Variants in ZNF638 observed in about 807,000 individuals in gnomAD.
ZNF638 encodes the protein zinc finger protein 638, also known as CTCL tumor antigen se33-1.
ZNF638 carries 46 observed loss-of-function variants against 195.6 expected under a neutral mutation model. The observed-to-expected ratio is 0.24, with a 90% CI of 0.19 to 0.30. The LOEUF (loss-of-function observed/expected upper bound fraction) is 0.30, where lower values mean the gene tolerates loss of function less well. Among genes scored for constraint, ZNF638 ranks in the 10% least tolerant of loss-of-function variants. The probability of loss-of-function intolerance (pLI) is 1.00; values close to 1 mark genes in which losing one functional copy is unlikely to be tolerated. For synonymous variants in ZNF638, 845 were observed against 772.0 expected, an observed-to-expected ratio of 1.09 and a Z score of -1.57; for missense variants, 2,440 against 2,325.3, an observed-to-expected ratio of 1.05 and a Z score of -1.01.
In ZNF638 at chr2:71,355,798, C is replaced by G. The variant is rs200705102; in HGVS notation, c.1379+18C>G. 6.7e-7 allele frequency: 1 copy of G among 1,498,832 alleles called. No individual in the cohort carries two copies. Among genetic ancestry groups the G allele is most frequent in the East Asian group, 2.3e-5 (1 of 42,604 alleles). 92.8% of individuals were successfully genotyped at this position (1,498,832 alleles called of 1,614,324 possible). On this transcript the variant is annotated intron_variant, in intron 3 of 27. Transcript: ENST00000264447. ...CGTCAACAGTAAGAATATATTTTTC[C>G]TTTATTATAGATAGCATATTTACAA...
chr2:71,342,876 A>G (rs1558828685), intron 1 of ZNF638, among the ~76,000 whole-genome samples: 1 of 151,168 alleles, frequency 6.6e-6, no homozygotes, highest in Non-Finnish European at 1.5e-5. Context: ...AGCTGAAGCT[A>G]TTTTTTTTTG....
chr2:71,431,456 AC>A, intron 26 of ZNF638, 28 bp downstream of exon 26: 1 of 1,605,350 alleles, frequency 6.2e-7, no homozygotes, highest in South Asian at 1.1e-5. Context: ...TTTTTTTCTT[AC>A]CCATATGAAA....
chr2:71,365,312 T>C, intron 5 of ZNF638, 117 bp from the exon 6 acceptor site: 2 of 827,516 alleles, frequency 2.4e-6, no homozygotes, highest in South Asian at 4.8e-5. Context: ...ATCTAGATTT[T>C]TGTATTGTCT....
At chr2:71,418,662 A>T in intron 21 of ZNF638, 23 bp downstream of exon 21, 2 of 1,522,200 alleles carry the variant, frequency 1.3e-6, no homozygotes, top group Non-Finnish European at 1.8e-6. Context: ...ATGTTTACTA[A>T]CACTTTTGTA....
chr2:71,343,117 TTC>T (rs2078790223), intron 1 of ZNF638, among the ~76,000 whole-genome samples: 1 of 152,230 alleles, frequency 6.6e-6, no homozygotes, highest in Admixed American at 6.5e-5. Context: ...ATTCAAGCAT[TTC>T]TGTCTTCCAG....
At chr2:71,351,901 A>AGGCATGTATCACTCAGGCC (rs1266131412) in intron 2 of ZNF638, among the ~76,000 whole-genome samples, 3 of 152,216 alleles carry the variant, frequency 2.0e-5, no homozygotes, top group Non-Finnish European at 4.4e-5. Context: ...TCTTGATTTC[A>AGGCATGTATCACTCAGGCC]GGCATGTATC....
rs894988149 is a variant in ZNF638, at chr2:71,427,386, A to G, written c.5517A>G (p.Leu1839=). 5.1e-6 allele frequency: 8 copies of G among 1,576,778 alleles called. No homozygotes were observed. Among genetic ancestry groups the G allele is most frequent in the African/African-American group, 1.4e-5 (1 of 72,740 alleles). Residue 1839 remains leucine (L), a synonymous_variant, in exon 24 of 28, where the codon CTA becomes CTG. Transcript: ENST00000264447. ...ATGAGAATGTTATGGAAGAAGATCTAAAAACCATGATTGAAAGACACTTAA... is the reference window on the plus strand; with the variant it reads ...ATGAGAATGTTATGGAAGAAGATCTGAAAACCATGATTGAAAGACACTTAA... ...PVNENVMEED[L]KTMIERHLTA... is the part of the protein sequence containing the mutation.
chr2:71,365,685 A>G lies in ZNF638; in HGVS notation c.1974A>G (p.Lys658=). 6.2e-7 allele frequency: 1 copy of G among 1,611,320 alleles called. No individual in the cohort carries two copies. Among genetic ancestry groups the G allele is most frequent in the East Asian group, 2.2e-5 (1 of 44,852 alleles). ...TLSECKQVSD[K]AVSLQRKLRK... ...CAGAATGTAAACAGGTGTCTGATAA[A>G]GCTGTTTCTCTCCAGCGAAAGGTAA... The change falls in exon 6 of 28, where the codon AAA becomes AAG. Residue 658 remains lysine, a synonymous_variant. Coordinates refer to ENST00000264447, the MANE Select transcript of ZNF638 (RefSeq NM_014497.5).
chr2:71,359,551 A>G (rs2079075956), intron 3 of ZNF638, among the ~76,000 whole-genome samples: 1 of 152,198 alleles, frequency 6.6e-6, no homozygotes, highest in Non-Finnish European at 1.5e-5. Context: ...CTTCACTGGA[A>G]ACACTCTCAC....
chr2:71,367,965 A>T (rs1466979467), intron 6 of ZNF638, among the ~76,000 whole-genome samples: 1 of 152,100 alleles, frequency 6.6e-6, no homozygotes, highest in Admixed American at 6.6e-5. Flanking sequence ...CTGTCTAGAG[A>T]TCATTTCCAA....
At chr2:71,430,562 A>G (rs1453751283) in intron 25 of ZNF638, among the ~76,000 whole-genome samples, 2 of 152,212 alleles carry the variant, frequency 1.3e-5, no homozygotes, top group South Asian at 2.1e-4. Flanking sequence ...TAGCTATGCA[A>G]CCTTGGGCAT....
chr2:71,395,185 T>C (rs1371659376), intron 10 of ZNF638: 2 of 716,318 alleles, frequency 2.8e-6, no homozygotes, highest in Non-Finnish European at 5.2e-6. Flanking sequence ...CCTCACTCCT[T>C]GATTGGAAAA....
At position 71,340,281 on chromosome 2, in the gene ZNF638, T is replaced by C. The variant is rs114338070; in HGVS notation, c.-203+8406T>C. Among the ~76,000 whole-genome samples, 499 of 152,334 alleles carry C rather than the reference T, an allele frequency of 3.3e-3. 8 individuals are homozygous for C. The highest frequency in any genetic ancestry group is 0.011 in the African/African-American group (476 of 41,584). ...TTTGGCATTTTAACGTGAAACATGG[T>C]ACTCTCTGTCAACACTTGTGGCACC... is the stretch of plus-strand genomic sequence containing the variant. On this transcript the variant is annotated intron_variant, in intron 1 of 27. Coordinates refer to ENST00000264447, the MANE Select transcript of ZNF638 (RefSeq NM_014497.5).
At chr2:71,383,068 A>G (rs2079562257) in intron 10 of ZNF638, among the ~76,000 whole-genome samples, 1 of 152,222 alleles carries the variant, frequency 6.6e-6, no homozygotes, top group Admixed American at 6.5e-5. Flanking sequence ...TATGCCTACA[A>G]TCCCAGCACT....
chr2:71,337,705 A>G (rs925914838), intron 1 of ZNF638, among the ~76,000 whole-genome samples: 3 of 152,196 alleles, frequency 2.0e-5, no homozygotes, highest in African/African-American at 4.8e-5. Flanking sequence ...TGCGCAGCCT[A>G]TAAAATTATT....
Position 71,361,651 on chromosome 2 carries a change from C to G in ZNF638, c.1380-1502C>G, listed in dbSNP as rs138980343. ...AACTTTTTTGTCTTCACAGTTTGTCCTCTCATAATTAAAAGATGCTCCAGA... is the reference window on the plus strand; with the variant it reads ...AACTTTTTTGTCTTCACAGTTTGTCGTCTCATAATTAAAAGATGCTCCAGA... On this transcript the variant is annotated intron_variant, in intron 3 of 27. Coordinates refer to ENST00000264447, the MANE Select transcript of ZNF638 (RefSeq NM_014497.5). The G allele has an allele frequency of 2.4e-3, 365 of 150,830 alleles. 1 individual carries two copies. Among genetic ancestry groups the G allele is most frequent in the African/African-American group, 8.8e-3 (353 of 40,222 alleles). 9.3% of individuals were successfully genotyped at this position (150,830 alleles called of 1,614,324 possible).
In ZNF638 at chr2:71,406,217, G is replaced by C. The variant is rs1277879407; in HGVS notation, c.3090G>C (p.Gln1030His). Residue 1030 changes from glutamine (Q) to histidine (H), a missense_variant, in exon 19 of 28, where the codon CAG (glutamine) becomes CAC (histidine). Transcript: ENST00000264447. ...AGTGTGTACTTTGTGTTGGACTTCAGTTTGGAAAAGTGGATCACCATGTAT... is the reference window on the plus strand; with the variant it reads ...AGTGTGTACTTTGTGTTGGACTTCACTTTGGAAAAGTGGATCACCATGTAT... ...GLQCVLCVGL[Q>H]FGKVDHHVFI... 2 of 1,613,208 alleles carry C rather than the reference G, an allele frequency of 1.2e-6. No homozygotes were observed. Among genetic ancestry groups the C allele is most frequent in the Non-Finnish European group, 1.7e-6 (2 of 1,179,378 alleles).
chr2:71,338,309 A>G (rs2104095049), intron 1 of ZNF638, among the ~76,000 whole-genome samples: 1 of 152,342 alleles, frequency 6.6e-6, no homozygotes, highest in Admixed American at 6.5e-5. Context: ...AGTAGTAGGT[A>G]CTCAGCACTC....
chr2:71,368,443 A>G lies in ZNF638; in HGVS notation c.2057A>G (p.Asp686Gly), dbSNP rs2079245726. Reference protein sequence around the residue: ...SVLLITELPEDGCTEEDVRKL... With the variant: ...SVLLITELPEGGCTEEDVRKL... ...CTTCTTATAACTGAATTACCAGAGGATGGTTGTACTGAAGAAGATGTGAGA... is the reference window on the plus strand; with the variant it reads ...CTTCTTATAACTGAATTACCAGAGGGTGGTTGTACTGAAGAAGATGTGAGA... Residue 686 changes from aspartate to glycine, a missense_variant, in exon 7 of 28, where the codon GAT becomes GGT. Physicochemically the swap from Asp to Gly is moderately conservative, Grantham distance 94. Around this residue, in one of 5 missense-constraint regions of ZNF638, gnomAD observed 1,883 missense variants for 1,739.1 expected, o/e 1.08. Coordinates refer to ENST00000264447, the MANE Select transcript of ZNF638 (RefSeq NM_014497.5). 1.2e-6 allele frequency: 2 copies of G among 1,613,494 alleles called. No individual in the cohort carries two copies. Among genetic ancestry groups the G allele is most frequent in the Non-Finnish European group, 1.7e-6 (2 of 1,179,738 alleles).
Sources: gnomAD v4.1 joint callset for allele counts (sites outside exome capture counted in the v4.1 genomes callset) on GRCh38, gnomAD v4.1.1 for gene constraint, gnomAD v4.1.1 regional missense constraint, MANE v1.5 for transcripts, NCBI Gene and HGNC (gene_info 2026-07-23, HGNC 2026-07-21) for gene names.